The following RAD54B variants were observed in gnomAD, a reference collection of about 807,000 sequenced individuals.
RAD54B encodes the protein DNA repair and recombination protein RAD54B.
In RAD54B, 78 loss-of-function variants were observed where a neutral mutation model predicts 95.8. That is an observed-to-expected ratio of 0.81 (90% CI 0.68 to 0.98). The LOEUF is 0.98. Ranked by LOEUF, RAD54B falls within the 50% of genes least tolerant of loss-of-function variation. RAD54B has a pLI of 0.00. For synonymous variants in RAD54B, 328 were observed against 354.9 expected, an observed-to-expected ratio of 0.92 and a Z score of 0.85; for missense variants, 957 against 1,056.6, an observed-to-expected ratio of 0.91 and a Z score of 1.31.
chr8:94,395,292 G>GA (rs1209507672), intron 8 of RAD54B, among the ~76,000 whole-genome samples: 1 of 152,160 alleles, frequency 6.6e-6, no homozygotes, highest in Non-Finnish European at 1.5e-5. Flanking sequence ...GCTCTCAGGA[G>GA]AAAGGGAATA....
intron 3 of RAD54B, among the ~76,000 whole-genome samples, chr8:94,425,958 T>C (rs1428238221): frequency 1.3e-5 from 2 of 152,150 alleles, no homozygotes; most frequent in Non-Finnish European, 2.9e-5. Flanking sequence ...AAAGGGCGTT[T>C]TGTTTCGTTT....
chr8:94,390,632 C>T (rs1810996705), intron 10 of RAD54B, among the ~76,000 whole-genome samples: 1 of 144,806 alleles, frequency 6.9e-6, no homozygotes, highest in Non-Finnish European at 1.5e-5. Flanking sequence ...TATCTGAGCC[C>T]CTATTTCCTC....
intron 3 of RAD54B, among the ~76,000 whole-genome samples, chr8:94,425,053 C>A (rs1254036887): frequency 9.1e-6 from 1 of 109,976 alleles, no homozygotes; most frequent in Non-Finnish European, 1.8e-5. Context: ...CAGAGCGAGA[C>A]CCCATCTCAA....
chr8:94,471,268 C>CGGGGG (rs34892988), intron 1 of RAD54B, among the ~76,000 whole-genome samples: 6 of 137,454 alleles, frequency 4.4e-5, no homozygotes, highest in African/African-American at 1.7e-4. Context: ...TAATGGGTGG[C>CGGGGG]GGGGGGGGGC....
intron 3 of RAD54B, among the ~76,000 whole-genome samples, chr8:94,434,165 A>C (rs1812195805): frequency 6.6e-6 from 1 of 152,012 alleles, no homozygotes. Context: ...AAAAGGCTAA[A>C]ATTGCATATG....
chr8:94,443,438 A>G (rs1197227652), intron 3 of RAD54B, among the ~76,000 whole-genome samples: 1 of 152,064 alleles, frequency 6.6e-6, no homozygotes, highest in South Asian at 2.1e-4. Flanking sequence ...ACAAACCTGC[A>G]TATCCTGCAT....
chr8:94,390,000 C>T (rs1314877767), intron 10 of RAD54B, among the ~76,000 whole-genome samples: 1 of 152,048 alleles, frequency 6.6e-6, no homozygotes, highest in African/African-American at 2.4e-5. Flanking sequence ...TACCGTGCTT[C>T]ATGCCCAAAG....
rs1811142887 is a variant in RAD54B, at chr8:94,396,284, G to A, written c.1379-2402C>T. ...AAAAAAAAAAACTAAAGATTTTCAA[G>A]TCAAGTTGGTGTACTTACTAAGACT... On this transcript the variant is annotated intron_variant, in intron 8 of 14. Transcript: ENST00000336148. 2.0e-5 allele frequency among the ~76,000 whole-genome samples: 3 copies of A among 150,936 alleles called. No individual in the cohort carries two copies. The South Asian group carries it at 6.3e-4, about 32-fold the overall frequency.
intron 6 of RAD54B, among the ~76,000 whole-genome samples, chr8:94,401,003 C>A (rs1424902754): frequency 6.6e-6 from 1 of 152,028 alleles, no homozygotes; most frequent in African/African-American, 2.4e-5. Context: ...ATCCTACAGA[C>A]CTACTGTTAT....
In RAD54B at chr8:94,380,222, C is replaced by G; in HGVS notation, c.2170G>C (p.Gly724Arg). The change falls in exon 12 of 15, where the codon GGT (glycine) becomes CGT (arginine). Residue 724 changes from glycine (G) to arginine (R), a missense_variant. Gly to Arg is a moderately radical substitution (Grantham distance 125). Coordinates refer to ENST00000336148, the MANE Select transcript of RAD54B (RefSeq NM_012415.3). ...CCTCCAATGAGGTTAAGTCCTACACCACCAGCTTTTGAACTTAACAAAAAA... is the reference window on the plus strand; with the variant it reads ...CCTCCAATGAGGTTAAGTCCTACACGACCAGCTTTTGAACTTAACAAAAAA... The part of the protein sequence containing the change: ...FIFLLSSKAG[G>R]VGLNLIGGSH... 6.2e-7 allele frequency: 1 copy of G among 1,613,660 alleles called. No homozygotes were observed. The highest frequency in any genetic ancestry group is 1.3e-5 in the African/African-American group (1 of 74,880).
intron 3 of RAD54B, among the ~76,000 whole-genome samples, chr8:94,435,153 T>A (rs3136407): frequency 0.12 from 18,366 of 152,014 alleles, 2,008 homozygotes; most frequent in East Asian, 0.32. Flanking sequence ...TAGCACAGTA[T>A]AAAACAATTT....
chr8:94,432,636 GCCT>G (rs1156379723), intron 3 of RAD54B: 1 of 1,537,586 alleles, frequency 6.5e-7, no homozygotes. Context: ...ACCAGCCTGT[GCCT>G]CCTCATCCAA....
chr8:94,407,864 G>T, intron 4 of RAD54B, 144 bp from the exon 5 acceptor site: 2 of 571,384 alleles, frequency 3.5e-6, no homozygotes, highest in Middle Eastern at 4.5e-4. Flanking sequence ...TTAACATTTT[G>T]GTTAAAAAAA....
intron 1 of RAD54B, 50 bp from the exon 2 acceptor site, chr8:94,467,605 C>T (rs1208178667): frequency 2.0e-6 from 3 of 1,508,874 alleles, no homozygotes; most frequent in East Asian, 4.6e-5. Context: ...ATTACAATCA[C>T]CCCCAAATAT....
intron 3 of RAD54B, among the ~76,000 whole-genome samples, chr8:94,444,075 A>G (rs2130141715): frequency 6.6e-6 from 1 of 152,284 alleles, no homozygotes; most frequent in South Asian, 2.1e-4. Flanking sequence ...ACAATAGAAA[A>G]ATGGTTGTAG....
chr8:94,470,998 C>T (rs1389161170), intron 1 of RAD54B, among the ~76,000 whole-genome samples: 1 of 152,058 alleles, frequency 6.6e-6, no homozygotes, highest in Non-Finnish European at 1.5e-5. Context: ...TGCTTTTTCC[C>T]ACTTTTCTTT....
At chr8:94,375,891 C>G (rs1810555552) in intron 14 of RAD54B, among the ~76,000 whole-genome samples, 1 of 151,682 alleles carries the variant, frequency 6.6e-6, no homozygotes, top group South Asian at 2.1e-4. Flanking sequence ...ATGTAGAAGG[C>G]TAGAAATTAG....
chr8:94,406,244 G>A (rs1811387027), intron 5 of RAD54B, among the ~76,000 whole-genome samples: 1 of 151,944 alleles, frequency 6.6e-6, no homozygotes, highest in South Asian at 2.1e-4. Context: ...ACCCCCAAGA[G>A]GTCAAAGAAC....
chr8:94,426,031 C>A (rs1563651986), intron 3 of RAD54B, among the ~76,000 whole-genome samples: 1 of 152,154 alleles, frequency 6.6e-6, no homozygotes. Flanking sequence ...GGGCTCACTG[C>A]AACCTCTGCC....
Sources: gnomAD v4.1 joint callset for allele counts (sites outside exome capture counted in the v4.1 genomes callset) on GRCh38, gnomAD v4.1.1 for gene constraint, MANE v1.5 for transcripts, NCBI Gene and HGNC (gene_info 2026-07-23, HGNC 2026-07-21) for gene names.